The following EPS15 variants were observed in gnomAD, a reference collection of about 807,000 sequenced individuals.
EPS15 encodes epidermal growth factor receptor substrate 15.
Under a neutral mutation model 113.8 loss-of-function variants are expected in EPS15, and 72 were observed. The ratio of observed to expected loss-of-function variants is 0.63; its 90% CI spans 0.52 to 0.77. The LOEUF (loss-of-function observed/expected upper bound fraction) is 0.77. EPS15 is among the 30% of genes least tolerant of loss of function. EPS15 has a pLI of 0.00. For missense variants in EPS15, 1,048 were observed against 1,045.8 expected, an observed-to-expected ratio of 1.00 and a Z score of -0.03; for synonymous variants, 344 against 363.4, an observed-to-expected ratio of 0.95 and a Z score of 0.61.
At chr1:51,503,426 G>A (rs183714865) in intron 1 of EPS15, among the ~76,000 whole-genome samples, 50 of 152,124 alleles carry the variant, frequency 3.3e-4, no homozygotes, top group Admixed American at 1.5e-3. Context: ...ACCTAAAGTC[G>A]GGAGTTTGAG....
chr1:51,394,480 A>C (rs369321823), intron 20 of EPS15, 33 bp from the exon 21 acceptor site: 444 of 1,428,642 alleles, frequency 3.1e-4, no homozygotes, highest in Middle Eastern at 5.3e-4. Context: ...TGAATGAGAG[A>C]GGCAACACTT....
At chr1:51,472,772 A>T in intron 3 of EPS15, 87 bp downstream of exon 3, 1 of 969,834 alleles carries the variant, frequency 1.0e-6, no homozygotes, top group South Asian at 1.5e-5. Flanking sequence ...AAATTTCTTG[A>T]TGGCATCTTT....
Position 51,468,650 on chromosome 1 carries a change from T to C in EPS15, c.214-82A>G. On this transcript the variant is annotated intron_variant, in intron 4 of 24. Transcript: ENST00000371733. ...TGCACAAATACTTACAATCTAAAAATATAAAACAATTCATAATTACTACAG... is the reference window on the plus strand; with the variant it reads ...TGCACAAATACTTACAATCTAAAAACATAAAACAATTCATAATTACTACAG... 4.6e-6 allele frequency: 4 copies of C among 862,866 alleles called. No individual in the cohort carries two copies. In the South Asian group the frequency reaches 4.7e-5, roughly 10 times the overall value. 53.5% of individuals were successfully genotyped at this position (862,866 alleles called of 1,614,324 possible). A position where few individuals can be genotyped will look rare whatever the true frequency, so the allele number is the denominator to read the frequency against.
In EPS15 at chr1:51,414,443, A is replaced by G. The variant is rs554115678; in HGVS notation, c.1114-4747T>C. Among the ~76,000 whole-genome samples the G allele has an allele frequency of 3.9e-5, 6 of 152,122 alleles. No homozygotes were observed. The South Asian group carries it at 1.2e-3, about 32-fold the overall frequency. The stretch of plus-strand genomic sequence containing the variant: ...AAAAAAAAAAGAAAAAAGAAAATAT[A>G]ATCTATTTTGAATTCCTTACTTTGT... On this transcript the variant is annotated intron_variant, in intron 13 of 24. Transcript: ENST00000371733.
intron 21 of EPS15, among the ~76,000 whole-genome samples, chr1:51,391,792 G>C (rs1199980381): frequency 3.3e-5 from 5 of 152,220 alleles, no homozygotes; most frequent in Admixed American, 3.3e-4. Context: ...ATGATTCTAA[G>C]ATTTTAGGCC....
chr1:51,373,793 A>T (rs755708265), intron 21 of EPS15, among the ~76,000 whole-genome samples: 1 of 152,136 alleles, frequency 6.6e-6, no homozygotes, highest in African/African-American at 2.4e-5. Context: ...TCTACTAAAA[A>T]TACAAAAATT....
In EPS15 at chr1:51,370,624, G is replaced by GC. The variant is rs1245512198; in HGVS notation, c.2120-4596_2120-4595insG. Among the ~76,000 whole-genome samples the GC allele has an allele frequency of 2.1e-5, 3 of 142,208 alleles. No homozygotes were observed. The East Asian group carries it at 6.1e-4, about 29-fold the overall frequency. The allele number at this position is 142,208 out of a possible 152,430, so 93.3% of individuals were successfully genotyped here. A position where few individuals can be genotyped will look rare whatever the true frequency, so the allele number is the denominator to read the frequency against. ...TTATTATTATTTTGTTTGTTAGGCT[G>GC]TTTTTTTTTTTTTAAAGACAGAGTC... On this transcript the variant is annotated intron_variant, in intron 21 of 24. Coordinates refer to ENST00000371733, the MANE Select transcript of EPS15 (RefSeq NM_001981.3).
intron 1 of EPS15, among the ~76,000 whole-genome samples, chr1:51,508,314 G>GAA (rs1384698089): frequency 8.5e-6 from 1 of 117,804 alleles, no homozygotes; most frequent in African/African-American, 3.3e-5. Context: ...AAGAGAGAAA[G>GAA]AGAGAAAGAG....
Position 51,419,394 on chromosome 1 carries a change from A to G in EPS15, c.1113+2392T>C, listed in dbSNP as rs188209007. On this transcript the variant is annotated intron_variant, in intron 13 of 24. Transcript: ENST00000371733. Reference sequence around the variant, plus strand: ...TCTAACTGAATTAGACAGACTACATAAACACAAAACAAAAAAAAAATTAAA... The same window carrying G: ...TCTAACTGAATTAGACAGACTACATGAACACAAAACAAAAAAAAAATTAAA... Among the ~76,000 whole-genome samples, 391 of 152,258 alleles carry G rather than the reference A, an allele frequency of 2.6e-3. 2 individuals are homozygous for G. Among genetic ancestry groups the G allele is most frequent in the Non-Finnish European group, 4.3e-3 (291 of 67,978 alleles).
At chr1:51,407,381 T>A (rs1186799654) in intron 15 of EPS15, among the ~76,000 whole-genome samples, 2 of 152,060 alleles carry the variant, frequency 1.3e-5, no homozygotes, top group African/African-American at 4.8e-5. Flanking sequence ...TACCTTTTAG[T>A]AGAAACAGAG....
chr1:51,489,398 T>C (rs942035869), intron 1 of EPS15, among the ~76,000 whole-genome samples: 4 of 151,066 alleles, frequency 2.6e-5, no homozygotes, highest in Non-Finnish European at 5.9e-5. Flanking sequence ...CTCGGCTCAC[T>C]GCAATCTCCG....
At chr1:51,431,029 A>C (rs7547557) in intron 12 of EPS15, among the ~76,000 whole-genome samples, 1,188 of 107,472 alleles carry the variant, frequency 0.011, 11 homozygotes, top group African/African-American at 0.016. Context: ...CACACACACA[A>C]AAATAAAACT....
At chr1:51,465,135 C>A (rs1654752607) in intron 6 of EPS15, 126 bp downstream of exon 6, 1 of 523,720 alleles carries the variant, frequency 1.9e-6, no homozygotes, top group African/African-American at 1.9e-5. Context: ...CCAGTAACAG[C>A]TTCTCCCCTA....
Position 51,459,346 on chromosome 1 carries a change from A to C in EPS15, c.561+1745T>G, listed in dbSNP as rs55815926. Among the ~76,000 whole-genome samples the C allele has an allele frequency of 5.2e-4, 79 of 152,022 alleles. 1 individual carries two copies. The highest frequency in any genetic ancestry group is 1.8e-3 in the African/African-American group (73 of 41,448). On this transcript the variant is annotated intron_variant, in intron 8 of 24. Coordinates refer to ENST00000371733, the MANE Select transcript of EPS15 (RefSeq NM_001981.3). ...ACCCTGTCTCTACTAAAAATACAAA[A>C]GTTAGCCAGATGTGGTGGTGCACTT...
At chr1:51,488,946 G>C (rs1644177359) in intron 1 of EPS15, among the ~76,000 whole-genome samples, 1 of 152,118 alleles carries the variant, frequency 6.6e-6, no homozygotes, top group African/African-American at 2.4e-5. Context: ...TACAGATATA[G>C]TGACAGAATC....
chr1:51,495,171 T>C (rs1046893264), intron 1 of EPS15, among the ~76,000 whole-genome samples: 3 of 152,192 alleles, frequency 2.0e-5, no homozygotes, highest in Non-Finnish European at 4.4e-5. Flanking sequence ...AACTAAGTAG[T>C]GACATCACTG....
chr1:51,408,627 G>A (rs1412244880), intron 14 of EPS15, among the ~76,000 whole-genome samples: 1 of 151,556 alleles, frequency 6.6e-6, no homozygotes, highest in African/African-American at 2.4e-5. Context: ...TGTTGTTGAT[G>A]TTTTATTTTT....
intron 13 of EPS15, among the ~76,000 whole-genome samples, chr1:51,420,113 C>T (rs1158874794): frequency 3.9e-5 from 6 of 152,042 alleles, no homozygotes; most frequent in African/African-American, 1.4e-4. Flanking sequence ...TGAACCATTT[C>T]GACTTCCTGT....
chr1:51,449,096 C>T (rs1557480459), intron 8 of EPS15, among the ~76,000 whole-genome samples: 1 of 152,080 alleles, frequency 6.6e-6, no homozygotes, highest in Admixed American at 6.6e-5. Context: ...TGGGTATATA[C>T]CCAAAGGAAT....
Sources: allele counts gnomAD v4.1 joint callset (sites outside exome capture counted in the v4.1 genomes callset), GRCh38; gene constraint gnomAD v4.1.1; transcripts MANE v1.5; gene names NCBI Gene and HGNC (gene_info 2026-07-23, HGNC 2026-07-21).